CACNA1C: variants seen among roughly 807,000 people sequenced by gnomAD.
The protein encoded by CACNA1C is calcium voltage-gated channel subunit alpha1 C.
In CACNA1C, 30 loss-of-function variants were observed where a neutral mutation model predicts 229.0. The observed-to-expected ratio is 0.13, with a 90% CI of 0.10 to 0.18. CACNA1C has a LOEUF of 0.18. Among genes scored for constraint, CACNA1C ranks in the 10% least tolerant of loss-of-function variants. The pLI is 1.00. For missense variants in CACNA1C, 1,658 were observed against 2,845.0 expected, an observed-to-expected ratio of 0.58 and a Z score of 9.49; for synonymous variants, 1,114 against 1,132.5, an observed-to-expected ratio of 0.98 and a Z score of 0.33.
Position 2,341,479 on chromosome 12 carries a change from C to T in CACNA1C, c.478-107497C>T, listed in dbSNP as rs372242048. Among the ~76,000 whole-genome samples, 419 of 144,444 alleles carry T rather than the reference C, an allele frequency of 2.9e-3. 3 individuals carry two copies. Among genetic ancestry groups the T allele is most frequent in the African/African-American group, 0.011 (394 of 34,364 alleles). The allele number at this position is 144,444 out of a possible 152,430, so 94.8% of individuals were successfully genotyped here. On this transcript the variant is annotated intron_variant, in intron 3 of 46. Coordinates refer to ENST00000399655, the MANE Select transcript of CACNA1C (RefSeq NM_000719.7). ...GAAGTTCAGAGTCGCTGTGGAATCC[C>T]CACTCTGGGAGGCAGTGCTGTGCGG...
chr12:2,352,432 T>C (rs191061625), intron 3 of CACNA1C, among the ~76,000 whole-genome samples: 267 of 152,308 alleles, frequency 1.8e-3, no homozygotes, highest in African/African-American at 6.2e-3. Flanking sequence ...TGCAGGAAGA[T>C]TTGGGGAAAC....
In CACNA1C at chr12:2,697,903, A is replaced by G. The variant is rs1216450403; in HGVS notation, c.*6704A>G. 1 of 152,666 alleles carries G rather than the reference A, an allele frequency of 6.6e-6. No homozygotes were observed. The highest frequency in any genetic ancestry group is 2.4e-5 in the African/African-American group (1 of 41,462). The allele number at this position is 152,666 out of a possible 1,614,324, so 9.5% of individuals were successfully genotyped here. A position where few individuals can be genotyped will look rare whatever the true frequency, so the allele number is the denominator to read the frequency against. On this transcript the variant is annotated 3_prime_UTR_variant, in exon 47 of 47. Transcript: ENST00000399655. ...AATGATGTTATTTAAAAAACAAACA[A>G]AAAACACAAAAAATAAGAATTGCAA...
intron 10 of CACNA1C, among the ~76,000 whole-genome samples, chr12:2,554,071 A>G (rs893433795): frequency 6.6e-6 from 1 of 152,244 alleles, no homozygotes; most frequent in African/African-American, 2.4e-5. Flanking sequence ...CACAGCAGGT[A>G]GTAAACATAT....
intron 3 of CACNA1C, among the ~76,000 whole-genome samples, chr12:2,160,150 G>C (rs1381893388): frequency 6.6e-6 from 1 of 152,174 alleles, no homozygotes; most frequent in African/African-American, 2.4e-5. Flanking sequence ...TGCGATGTCA[G>C]GGAGGTCTTA....
Position 2,566,629 on chromosome 12 carries a change from G to A in CACNA1C, c.1669+47G>A, listed in dbSNP as rs767081920. 2.0e-6 allele frequency: 3 copies of A among 1,512,178 alleles called. No homozygotes were observed. The highest frequency in any genetic ancestry group is 2.5e-5 in the South Asian group (2 of 80,682). 93.7% of individuals were successfully genotyped at this position (1,512,178 alleles called of 1,614,324 possible). ...GCTCTGGTTTCCTCCTGGTAACTCAGCCCCAAGGCCCAGGGGAGGGCATAA... is the reference window on the plus strand; with the variant it reads ...GCTCTGGTTTCCTCCTGGTAACTCAACCCCAAGGCCCAGGGGAGGGCATAA... On this transcript the variant is annotated intron_variant, in intron 12 of 46. Coordinates refer to ENST00000399655, the MANE Select transcript of CACNA1C (RefSeq NM_000719.7). This position sits in a 1 kb window ranked among gnomAD's most constrained non-coding sequence, Gnocchi z 4.0.
intron 1 of CACNA1C, among the ~76,000 whole-genome samples, chr12:2,021,652 C>A (rs1042326835): frequency 1.8e-4 from 27 of 151,842 alleles, no homozygotes; most frequent in African/African-American, 4.6e-4. Flanking sequence ...TGCACTCCAG[C>A]CTGGGCAACA....
In CACNA1C at chr12:2,686,257, G is replaced by C. The variant is rs757373786; in HGVS notation, c.5772G>C (p.Leu1924=). ...ISQKTVLPLH[L]VHHQALAVAG... ...AGAAGACAGTCCTGCCCTTGCATCT[G>C]GTTCATCATCAGGTAGCTCACACTT... Residue 1924 remains leucine (L), a synonymous_variant, in exon 45 of 47, where the codon CTG becomes CTC. Coordinates refer to ENST00000399655, the MANE Select transcript of CACNA1C (RefSeq NM_000719.7). 27 of 1,610,572 alleles carry C rather than the reference G, an allele frequency of 1.7e-5. No individual in the cohort carries two copies. The East Asian group carries it at 3.3e-4, about 20-fold the overall frequency.
At chr12:2,507,487 A>G (rs371602961) in intron 8 of CACNA1C, among the ~76,000 whole-genome samples, 1 of 152,186 alleles carries the variant, frequency 6.6e-6, no homozygotes, top group East Asian at 1.9e-4. Context: ...GAATAGTCAC[A>G]CACTTACTGG....
intron 1 of CACNA1C, among the ~76,000 whole-genome samples, chr12:2,094,352 C>T (rs770838640): frequency 1.1e-4 from 17 of 152,146 alleles, no homozygotes; most frequent in Non-Finnish European, 2.2e-4. Flanking sequence ...TGAGACTCAG[C>T]GGAGCACCCC....
At chr12:2,503,554 A>G (rs2099765207) in intron 7 of CACNA1C, among the ~76,000 whole-genome samples, 1 of 152,198 alleles carries the variant, frequency 6.6e-6, no homozygotes, top group Non-Finnish European at 1.5e-5. Flanking sequence ...CAGCGGGTAC[A>G]GGGGGCTGAT....
intron 29 of CACNA1C, chr12:2,614,662 A>C (rs1050611892): frequency 2.0e-5 from 3 of 152,182 alleles, no homozygotes; most frequent in Non-Finnish European, 4.4e-5. Context: ...TTTCACTGGC[A>C]TGGTTGTTTG....
chr12:2,580,718 A>G (rs1354429387), intron 13 of CACNA1C, among the ~76,000 whole-genome samples: 1 of 152,130 alleles, frequency 6.6e-6, no homozygotes, highest in Non-Finnish European at 1.5e-5. Context: ...CCAGGACTGT[A>G]AGGAGTGGGG....
intron 1 of CACNA1C, among the ~76,000 whole-genome samples, chr12:2,076,381 C>T (rs911047170): frequency 3.9e-5 from 6 of 152,054 alleles, no homozygotes; most frequent in African/African-American, 9.7e-5. Context: ...CAAGAGGATA[C>T]GATAAATAAA....
intron 3 of CACNA1C, among the ~76,000 whole-genome samples, chr12:2,190,709 C>G (rs1287038375): frequency 1.3e-5 from 2 of 152,324 alleles, no homozygotes; most frequent in East Asian, 3.9e-4. Context: ...AGTAGCCTGT[C>G]TGCTGTAGCA....
chr12:2,515,991 C>A (rs1368595735), intron 9 of CACNA1C, among the ~76,000 whole-genome samples: 1 of 151,992 alleles, frequency 6.6e-6, no homozygotes, highest in Admixed American at 6.6e-5. Flanking sequence ...AGTCCCTGCC[C>A]TCGTGGAACT....
At chr12:2,381,234 A>G (rs1030981406) in intron 3 of CACNA1C, among the ~76,000 whole-genome samples, 2 of 152,138 alleles carry the variant, frequency 1.3e-5, no homozygotes, top group African/African-American at 2.4e-5. Flanking sequence ...TAAAATGTGA[A>G]TGTGTGTCAG....
rs201861473 is a variant in CACNA1C, at chr12:2,679,587, C to G, written c.5235C>G (p.His1745Gln). Residue 1745 changes from histidine (H) to glutamine (Q), a missense_variant, in exon 42 of 47, where the codon CAC (histidine) becomes CAG (glutamine). Coordinates refer to ENST00000399655, the MANE Select transcript of CACNA1C (RefSeq NM_000719.7). The surrounding 1 kb of genome is among the most constrained non-coding windows in gnomAD (Gnocchi z 5.5). ...SSQGDTESPSHEKLVDSTFTP... is the reference protein window; with the variant it reads ...SSQGDTESPSQEKLVDSTFTP... ...AGGGCGACACTGAGTCGCCATCCCA[C>G]GAGAAGCTGGTGGACTCCACCTTCA... The G allele has an allele frequency of 1.2e-6, 2 of 1,613,726 alleles. No homozygotes were observed. Among genetic ancestry groups the G allele is most frequent in the South Asian group, 1.1e-5 (1 of 91,024 alleles).
Position 2,633,656 on chromosome 12 carries a change from T to C in CACNA1C, c.3829-641T>C, listed in dbSNP as rs2091559799. 4 of 1,610,510 alleles carry C rather than the reference T, an allele frequency of 2.5e-6. No individual in the cohort carries two copies. In the East Asian group the frequency reaches 8.9e-5, roughly 36 times the overall value. ...TTACTTTAGTGATCCCTGGAATGTT[T>C]TTGACTTCCTCATCGTAATTGGCAG... is the stretch of plus-strand genomic sequence containing the variant. On this transcript the variant is annotated intron_variant, in intron 29 of 46. Transcript: ENST00000399655. This position sits in a 1 kb window ranked among gnomAD's most constrained non-coding sequence, Gnocchi z 5.8.
At chr12:2,046,906 T>C (rs759701193) in intron 1 of CACNA1C, among the ~76,000 whole-genome samples, 10 of 150,582 alleles carry the variant, frequency 6.6e-5, no homozygotes, top group Non-Finnish European at 1.2e-4. Flanking sequence ...CCAGCAGAGG[T>C]TTTTAAATAC....
Sources: allele counts gnomAD v4.1 joint callset (sites outside exome capture counted in the v4.1 genomes callset), GRCh38; gene constraint gnomAD v4.1.1; non-coding constraint Gnocchi (gnomAD v3.1); transcripts MANE v1.5; gene names NCBI Gene and HGNC (gene_info 2026-07-23, HGNC 2026-07-21).